Variants in GIMAP2 observed in about 807,000 individuals in gnomAD.
The protein encoded by GIMAP2 is GTPase IMAP family member 2.
In GIMAP2, 22 loss-of-function variants were observed where a neutral mutation model predicts 25.5. That is an observed-to-expected ratio of 0.86 (90% confidence interval 0.62 to 1.23). The LOEUF (loss-of-function observed/expected upper bound fraction) is 1.23. Ranked by LOEUF, GIMAP2 falls within the 50% of genes most tolerant of loss-of-function variation. The probability of loss-of-function intolerance (pLI) is 0.00; values close to 1 mark genes in which losing one functional copy is unlikely to be tolerated. For missense variants in GIMAP2, 422 were observed against 395.7 expected (o/e 1.07, Z -0.56); for synonymous variants, 167 against 143.0 (o/e 1.17, Z -1.20).
chr7:150,687,735 GTC>G (rs1554513864), intron 2 of GIMAP2, among the ~76,000 whole-genome samples: 6 of 151,674 alleles, frequency 4.0e-5, no homozygotes, highest in African/African-American at 1.2e-4. Context: ...GTGTGTGTGT[GTC>G]TCTCTCTCTG....
rs745906034 is a variant in GIMAP2, at chr7:150,692,727, C to T, written c.441C>T (p.His147=). 5 of 1,614,172 alleles carry T rather than the reference C, an allele frequency of 3.1e-6. No homozygotes were observed. In the South Asian group the frequency reaches 5.5e-5, roughly 18 times the overall value. ...GACACACAATTGTCCTCTTTACCCA[C>T]AAGGAAGACCTCAATGGTGGCTCCC... is the stretch of plus-strand genomic sequence containing the variant. The part of the protein sequence containing the change: ...AMGHTIVLFT[H]KEDLNGGSLM... The change falls in exon 3 of 3, where the codon CAC becomes CAT. Residue 147 remains histidine (H), a synonymous_variant. Transcript: ENST00000223293.
intron 2 of GIMAP2, chr7:150,689,531 A>G: frequency 1.4e-6 from 1 of 703,130 alleles, no homozygotes; most frequent in Non-Finnish European, 2.6e-6. Context: ...CCTCTAAGCA[A>G]GCTCCAGCGC....
chr7:150,693,258 G>T lies in GIMAP2; in HGVS notation c.972G>T (p.Leu324Phe), dbSNP rs550393647. 15 of 1,596,890 alleles carry T rather than the reference G, an allele frequency of 9.4e-6. No homozygotes were observed. The highest frequency in any genetic ancestry group is 3.4e-5 in the Admixed American group (2 of 59,142). ...FIIPKKLMIF[L>F]RTVIRLERKT... Reference sequence around the variant, plus strand: ...TACCCAAAAAGTTAATGATATTTTTGAGAACAGTTATTAGACTAGAACGCA... The same window carrying T: ...TACCCAAAAAGTTAATGATATTTTTTAGAACAGTTATTAGACTAGAACGCA... Residue 324 changes from leucine (L) to phenylalanine (F), a missense_variant, in exon 3 of 3, where the codon TTG becomes TTT. Transcript: ENST00000223293.
In GIMAP2 at chr7:150,692,504, T is replaced by A. The variant is rs1369171585; in HGVS notation, c.218T>A (p.Ile73Asn). The change falls in exon 3 of 3, where the codon ATT becomes AAT. Residue 73 changes from isoleucine (I) to asparagine (N), a missense_variant. Transcript: ENST00000223293. ...CAGGGAAGCTGGGGAAATAGAGAGA[T>A]TGTCATTATTGACACACCAGATATG... ...KSQGSWGNREIVIIDTPDMFS... is the reference protein window; with the variant it reads ...KSQGSWGNRENVIIDTPDMFS... The A allele has an allele frequency of 4.3e-6, 7 of 1,614,080 alleles. No homozygotes were observed. The East Asian group carries it at 1.6e-4, about 36-fold the overall frequency.
intron 2 of GIMAP2, chr7:150,687,334 G>A (rs569865547): frequency 9.3e-5 from 35 of 375,836 alleles, no homozygotes; most frequent in Middle Eastern, 7.3e-4. Flanking sequence ...GTGCAGTGGC[G>A]CAATCTCGGC....
intron 1 of GIMAP2, among the ~76,000 whole-genome samples, chr7:150,686,372 G>A (rs952809481): frequency 6.6e-6 from 1 of 152,158 alleles, no homozygotes; most frequent in Non-Finnish European, 1.5e-5. Context: ...AGAGGGAAAG[G>A]GAGGACTGAG....
chr7:150,691,238 C>A (rs1233912496), intron 2 of GIMAP2, among the ~76,000 whole-genome samples: 1 of 152,198 alleles, frequency 6.6e-6, no homozygotes, highest in Non-Finnish European at 1.5e-5. Flanking sequence ...CTTCCATGAA[C>A]CTGCCCTAGA....
Position 150,693,027 on chromosome 7 carries a change from G to A in GIMAP2, c.741G>A (p.Met247Ile). The A allele has an allele frequency of 6.2e-7, 1 of 1,614,146 alleles. No individual in the cohort carries two copies. Among genetic ancestry groups the A allele is most frequent in the African/African-American group, 1.3e-5 (1 of 75,044 alleles). Residue 247 changes from methionine (M) to isoleucine (I), a missense_variant, in exon 3 of 3, where the codon ATG (methionine) becomes ATA (isoleucine). Physicochemically the swap from Met to Ile is conservative, Grantham distance 10. Coordinates refer to ENST00000223293, the MANE Select transcript of GIMAP2 (RefSeq NM_015660.3). ...KEFKQSLIKYMETQRSYTALA... is the reference protein window; with the variant it reads ...KEFKQSLIKYIETQRSYTALA... ...TCAAACAGAGCCTTATAAAGTACAT[G>A]GAAACTCAAAGAAGTTACACAGCCT...
At chr7:150,686,373 G>A (rs892741207) in intron 1 of GIMAP2, among the ~76,000 whole-genome samples, 8 of 152,150 alleles carry the variant, frequency 5.3e-5, no homozygotes, top group Non-Finnish European at 1.2e-4. Context: ...GAGGGAAAGG[G>A]AGGACTGAGC....
chr7:150,689,210 A>G (rs1796938302), intron 2 of GIMAP2, among the ~76,000 whole-genome samples: 2 of 152,192 alleles, frequency 1.3e-5, no homozygotes, highest in Non-Finnish European at 2.9e-5. Flanking sequence ...TTTGCTCAAG[A>G]ATTCTCTTCA....
intron 2 of GIMAP2, chr7:150,689,637 T>A (rs1796943697): frequency 1.5e-6 from 1 of 666,782 alleles, no homozygotes; most frequent in African/African-American, 1.8e-5. Context: ...ATTGCATGTC[T>A]ACTGTGAGGC....
chr7:150,688,834 G>T (rs903479873), intron 2 of GIMAP2, among the ~76,000 whole-genome samples: 2 of 152,264 alleles, frequency 1.3e-5, no homozygotes, highest in African/African-American at 4.8e-5. Flanking sequence ...CTGTGGAGTC[G>T]CCACAGGGCT....
At chr7:150,689,695 T>C in intron 2 of GIMAP2, 1 of 574,224 alleles carries the variant, frequency 1.7e-6, no homozygotes, top group Non-Finnish European at 3.2e-6. Flanking sequence ...TCCATAAATT[T>C]TGGCCAATTT....
Position 150,692,847 on chromosome 7 carries a change from AG to A in GIMAP2, c.564del (p.Ser189AlafsTer7), listed in dbSNP as rs748392759. ...TCTGTGCCTTTAATAACCGTGCTGA[AG>A]GGAGCAATCAGGATGACCAAGTGAA... The part of the protein sequence containing the change: ...RICAFNNRAE[G>X]SNQDDQVKEL... On this transcript the variant is annotated frameshift_variant, in exon 3 of 3. Transcript: ENST00000223293. LOFTEE classifies it high-confidence loss of function. The A allele has an allele frequency of 6.2e-7, 1 of 1,614,246 alleles. No individual in the cohort carries two copies. The highest frequency in any genetic ancestry group is 1.1e-5 in the South Asian group (1 of 91,090).
chr7:150,693,405 T>C lies in GIMAP2; in HGVS notation c.*105T>C. ...AAGTCATATTTGAGATTCTATGAAATGTTTAAATCTGAACATCACTCCAAT... is the reference window on the plus strand; with the variant it reads ...AAGTCATATTTGAGATTCTATGAAACGTTTAAATCTGAACATCACTCCAAT... On this transcript the variant is annotated 3_prime_UTR_variant, in exon 3 of 3. Transcript: ENST00000223293. 1 of 705,128 alleles carries C rather than the reference T, an allele frequency of 1.4e-6. No homozygotes were observed. 43.7% of individuals were successfully genotyped at this position (705,128 alleles called of 1,614,324 possible).
chr7:150,689,415 A>G, intron 2 of GIMAP2: 1 of 676,046 alleles, frequency 1.5e-6, no homozygotes, highest in Non-Finnish European at 2.7e-6. Context: ...ATGAGGTAGC[A>G]CTCCCTAGGA....
At chr7:150,689,791 G>C in intron 2 of GIMAP2, 1 of 422,024 alleles carries the variant, frequency 2.4e-6, no homozygotes, top group Non-Finnish European at 4.2e-6. Context: ...CATAGAAAAC[G>C]GGCAGGTTCA....
chr7:150,693,272 G>T lies in GIMAP2; in HGVS notation c.986G>T (p.Arg329Ile). The change falls in exon 3 of 3, where the codon AGA (arginine) becomes ATA (isoleucine). Residue 329 changes from arginine (R) to isoleucine (I), a missense_variant. By Grantham distance (97) the Arg-to-Ile change is moderately conservative (BLOSUM62 -3). Transcript: ENST00000223293. ...KLMIFLRTVI[R>I]LERKTPRL ...ATGATATTTTTGAGAACAGTTATTAGACTAGAACGCAAGACTCCTAGGTTA... is the reference window on the plus strand; with the variant it reads ...ATGATATTTTTGAGAACAGTTATTATACTAGAACGCAAGACTCCTAGGTTA... 6.3e-7 allele frequency: 1 copy of T among 1,585,572 alleles called. No individual in the cohort carries two copies. The highest frequency in any genetic ancestry group is 1.1e-5 in the South Asian group (1 of 88,376).
Position 150,692,918 on chromosome 7 carries a change from G to T in GIMAP2, c.632G>T (p.Gly211Val). The T allele has an allele frequency of 2.5e-6, 4 of 1,614,188 alleles. No homozygotes were observed. Among genetic ancestry groups the T allele is most frequent in the Non-Finnish European group, 3.4e-6 (4 of 1,180,020 alleles). ...CIEDLLMEKN[G>V]DHYTNGLYSL... ...GAGGATCTGTTGATGGAGAAAAATG[G>T]TGATCACTATACCAATGGGTTGTAC... is the stretch of plus-strand genomic sequence containing the variant. The change falls in exon 3 of 3, where the codon GGT becomes GTT. Residue 211 changes from glycine (G) to valine (V), a missense_variant. Transcript: ENST00000223293.
Sources: allele counts gnomAD v4.1 joint callset (sites outside exome capture counted in the v4.1 genomes callset), GRCh38; gene constraint gnomAD v4.1.1; transcripts MANE v1.5; gene names NCBI Gene and HGNC (gene_info 2026-07-23, HGNC 2026-07-21).